The following BTBD9 variants were observed in gnomAD, a reference collection of about 807,000 sequenced individuals.
BTBD9 encodes BTB domain containing 9.
In BTBD9, 49 loss-of-function variants were observed where a neutral mutation model predicts 64.3. The observed-to-expected ratio is 0.76, with a 90% CI of 0.61 to 0.97. BTBD9 has a LOEUF of 0.97. Ranked by LOEUF, BTBD9 falls within the 50% of genes least tolerant of loss-of-function variation. BTBD9 has a pLI of 0.00. For synonymous variants in BTBD9, 260 were observed against 274.7 expected (o/e 0.95, Z 0.53); for missense variants, 598 against 762.1 (o/e 0.78, Z 2.53).
intron 6 of BTBD9, among the ~76,000 whole-genome samples, chr6:38,449,984 C>T (rs970414843): frequency 2.0e-5 from 3 of 152,086 alleles, no homozygotes; most frequent in Admixed American, 1.3e-4. Flanking sequence ...TTCATTCCAG[C>T]ACTATTCATA....
intron 6 of BTBD9, among the ~76,000 whole-genome samples, chr6:38,563,202 C>A (rs1344249884): frequency 6.6e-6 from 1 of 152,194 alleles, no homozygotes; most frequent in Non-Finnish European, 1.5e-5. Context: ...CATTCTATTT[C>A]CTTTGGATCT....
chr6:38,277,333 A>C (rs1761310043), intron 8 of BTBD9, among the ~76,000 whole-genome samples: 1 of 151,568 alleles, frequency 6.6e-6, no homozygotes, highest in Non-Finnish European at 1.5e-5. Flanking sequence ...TTTTATTTAC[A>C]GAACTTTTTT....
intron 4 of BTBD9, among the ~76,000 whole-genome samples, chr6:38,583,545 C>T (rs1333847523): frequency 1.3e-5 from 2 of 152,160 alleles, no homozygotes; most frequent in Non-Finnish European, 2.9e-5. Context: ...GAACATCAAG[C>T]TCTCAGATTT....
At chr6:38,271,065 AG>A (rs1271161071) in intron 8 of BTBD9, among the ~76,000 whole-genome samples, 1 of 152,220 alleles carries the variant, frequency 6.6e-6, no homozygotes, top group Non-Finnish European at 1.5e-5. Context: ...ACTTTTATAA[AG>A]TATCCATTAT....
At chr6:38,610,913 G>A (rs961993879) in intron 1 of BTBD9, among the ~76,000 whole-genome samples, 4 of 150,816 alleles carry the variant, frequency 2.7e-5, no homozygotes, top group Admixed American at 6.6e-5. Context: ...GCAAAAAACC[G>A]GGGTGGGGGG....
intron 10 of BTBD9, among the ~76,000 whole-genome samples, chr6:38,175,852 G>A (rs960299880): frequency 6.6e-6 from 1 of 152,244 alleles, no homozygotes; most frequent in Non-Finnish European, 1.5e-5. Context: ...CTAAGCAGCC[G>A]TGCTGGGGAG....
chr6:38,476,401 G>C (rs577648296), intron 6 of BTBD9, among the ~76,000 whole-genome samples: 1 of 152,180 alleles, frequency 6.6e-6, no homozygotes, highest in Non-Finnish European at 1.5e-5. Flanking sequence ...ACTCCAGGAA[G>C]ACATATTAAA....
intron 6 of BTBD9, among the ~76,000 whole-genome samples, chr6:38,346,744 T>C (rs983347823): frequency 6.6e-6 from 1 of 152,202 alleles, no homozygotes; most frequent in Non-Finnish European, 1.5e-5. Flanking sequence ...GGTGTATTAA[T>C]TCTGGCACCT....
intron 10 of BTBD9, among the ~76,000 whole-genome samples, chr6:38,175,672 T>C (rs1389717300): frequency 6.6e-6 from 1 of 152,196 alleles, no homozygotes; most frequent in African/African-American, 2.4e-5. Context: ...TCTGGTTTTC[T>C]CCCGCGTCCC....
intron 6 of BTBD9, among the ~76,000 whole-genome samples, chr6:38,430,882 C>T (rs1290553434): frequency 6.6e-6 from 1 of 151,946 alleles, no homozygotes; most frequent in East Asian, 1.9e-4. Context: ...TGTGCCAACC[C>T]AATGGTCAGG....
intron 3 of BTBD9, among the ~76,000 whole-genome samples, chr6:38,593,686 A>G (rs539969769): frequency 5.3e-5 from 8 of 152,322 alleles, no homozygotes; most frequent in African/African-American, 1.7e-4. Flanking sequence ...ACCCTATTTG[A>G]TTGTCACTAC....
At chr6:38,323,313 C>T (rs956596125) in intron 7 of BTBD9, among the ~76,000 whole-genome samples, 2 of 152,194 alleles carry the variant, frequency 1.3e-5, no homozygotes, top group Non-Finnish European at 2.9e-5. Flanking sequence ...CCCTTTCGGG[C>T]AATCCCCTTG....
rs140406226 is a variant in BTBD9 at position 38,372,324 on chromosome 6, G to A, written c.1155-27231C>T. Among the ~76,000 whole-genome samples the A allele has an allele frequency of 2.4e-3, 358 of 152,262 alleles. 2 individuals are homozygous for A. Among genetic ancestry groups the A allele is most frequent in the African/African-American group, 8.4e-3 (347 of 41,552 alleles). On this transcript the variant is annotated intron_variant, in intron 6 of 10. Transcript: ENST00000481247. ...GGAGTCACATTCATTATTAAAAGATGTTAAGCCTAATCGCAGTATGATGAG... is the reference window on the plus strand; with the variant it reads ...GGAGTCACATTCATTATTAAAAGATATTAAGCCTAATCGCAGTATGATGAG...
intron 4 of BTBD9, among the ~76,000 whole-genome samples, chr6:38,590,752 C>T (rs1366613226): frequency 1.3e-5 from 2 of 152,122 alleles, no homozygotes; most frequent in East Asian, 1.9e-4. Flanking sequence ...GCAGTGTAGA[C>T]ATCATAGTGT....
rs147685409 is a variant in BTBD9, at chr6:38,234,687, C to T, written c.1562+21722G>A. 6.1e-4 allele frequency among the ~76,000 whole-genome samples: 93 copies of T among 152,324 alleles called. 1 individual carries two copies. The highest frequency in any genetic ancestry group is 1.1e-3 in the Non-Finnish European group (75 of 68,016). ...TGTTTTAGGAATGGCATCTTACAGA[C>T]GTGGAGACAGAGGCACAGAGAGAGT... On this transcript the variant is annotated intron_variant, in intron 9 of 10. Transcript: ENST00000481247.
chr6:38,301,388 G>A (rs538723398), intron 7 of BTBD9, among the ~76,000 whole-genome samples: 2 of 152,320 alleles, frequency 1.3e-5, no homozygotes, highest in East Asian at 3.9e-4. Flanking sequence ...ATGAGTTAGG[G>A]AGGATTCCCT....
rs1257310626 is a variant in BTBD9, at chr6:38,357,075, T to G, written c.1155-11982A>C. 2.6e-5 allele frequency among the ~76,000 whole-genome samples: 4 copies of G among 152,164 alleles called. No homozygotes were observed. In the East Asian group the frequency reaches 7.7e-4, roughly 29 times the overall value. ...TCTCCTGTTTTAGAGACACTCTGTT[T>G]TATCCACCTCAGAGAATAAATTTCC... On this transcript the variant is annotated intron_variant, in intron 6 of 10. Coordinates refer to ENST00000481247, the MANE Select transcript of BTBD9 (RefSeq NM_001099272.2).
chr6:38,565,295 G>A (rs773749607), intron 6 of BTBD9, among the ~76,000 whole-genome samples: 27 of 152,104 alleles, frequency 1.8e-4, no homozygotes, highest in Non-Finnish European at 2.8e-4. Flanking sequence ...TTGTTGTAGG[G>A]AGATGTCCTG....
At chr6:38,415,129 T>C (rs1258303050) in intron 6 of BTBD9, among the ~76,000 whole-genome samples, 1 of 152,170 alleles carries the variant, frequency 6.6e-6, no homozygotes, top group African/African-American at 2.4e-5. Flanking sequence ...AAGGCATACC[T>C]TTCGTAGGTA....
Sources: gnomAD v4.1 joint callset for allele counts (sites outside exome capture counted in the v4.1 genomes callset) on GRCh38, gnomAD v4.1.1 for gene constraint, MANE v1.5 for transcripts, NCBI Gene and HGNC (gene_info 2026-07-23, HGNC 2026-07-21) for gene names.